The following ERC2 variants were observed in gnomAD, a reference collection of about 807,000 sequenced individuals.
The protein encoded by ERC2 is ERC protein 2.
In ERC2, 42 loss-of-function variants were observed where a neutral mutation model predicts 114.8. The observed-to-expected ratio is 0.37, with a 90% CI of 0.29 to 0.47. The LOEUF (loss-of-function observed/expected upper bound fraction) is 0.47. Ranked by LOEUF, ERC2 falls within the 20% of genes least tolerant of loss-of-function variation. The pLI is 0.99. For missense variants in ERC2, 939 were observed against 1,150.7 expected, an observed-to-expected ratio of 0.82 and a Z score of 2.66; for synonymous variants, 454 against 425.5, an observed-to-expected ratio of 1.07 and a Z score of -0.82.
intron 3 of ERC2, among the ~76,000 whole-genome samples, chr3:56,180,667 G>A (rs1214478529): frequency 1.3e-5 from 2 of 152,154 alleles, no homozygotes; most frequent in Non-Finnish European, 2.9e-5. Context: ...CAGAAATGAG[G>A]AGTTGTATAA....
chr3:55,592,667 A>C (rs1442411256), intron 17 of ERC2, among the ~76,000 whole-genome samples: 1 of 152,178 alleles, frequency 6.6e-6, no homozygotes, highest in African/African-American at 2.4e-5. Flanking sequence ...GAAATGACTA[A>C]ATCATCTTGG....
chr3:56,073,330 G>T (rs1432055858), intron 7 of ERC2, among the ~76,000 whole-genome samples: 2 of 152,116 alleles, frequency 1.3e-5, no homozygotes, highest in South Asian at 4.1e-4. Context: ...TATTTATTGG[G>T]GGGCAGAGGT....
chr3:56,172,032 C>CT (rs71939591), intron 4 of ERC2, among the ~76,000 whole-genome samples: 96 of 140,312 alleles, frequency 6.8e-4, no homozygotes, highest in East Asian at 1.5e-3. Context: ...CATTTTTCCT[C>CT]TTTTTTTTTT....
chr3:56,348,777 C>T (rs1296817493), intron 2 of ERC2, among the ~76,000 whole-genome samples: 1 of 151,532 alleles, frequency 6.6e-6, no homozygotes, highest in Non-Finnish European at 1.5e-5. Context: ...TTATTAGTAG[C>T]CACCTACAGA....
chr3:55,946,881 T>C (rs181713866), intron 13 of ERC2, among the ~76,000 whole-genome samples: 13 of 152,314 alleles, frequency 8.5e-5, no homozygotes, highest in African/African-American at 3.1e-4. Context: ...TCAAACAAAA[T>C]TGGGACTCAG....
At chr3:56,162,275 T>C (rs1465325303) in intron 4 of ERC2, among the ~76,000 whole-genome samples, 1 of 152,184 alleles carries the variant, frequency 6.6e-6, no homozygotes, top group Non-Finnish European at 1.5e-5. Flanking sequence ...TTGTTGAATT[T>C]GGCTTGATAG....
chr3:56,464,624 T>C (rs575150818), intron 1 of ERC2, among the ~76,000 whole-genome samples: 46 of 152,360 alleles, frequency 3.0e-4, no homozygotes, highest in African/African-American at 8.9e-4. Context: ...GAAGAAGAGG[T>C]TGTAGAGTCT....
At chr3:55,801,716 G>T (rs2071069455) in intron 14 of ERC2, among the ~76,000 whole-genome samples, 1 of 152,216 alleles carries the variant, frequency 6.6e-6, no homozygotes, top group East Asian at 1.9e-4. Context: ...ATTTGGCAGG[G>T]CCCAGGGCAA....
intron 6 of ERC2, among the ~76,000 whole-genome samples, chr3:56,083,538 T>C (rs2077349177): frequency 6.6e-6 from 1 of 152,170 alleles, no homozygotes; most frequent in South Asian, 2.1e-4. Context: ...TATACTTTGA[T>C]ATAATTATAA....
chr3:56,347,739 A>G (rs1016308701), intron 2 of ERC2, among the ~76,000 whole-genome samples: 6 of 152,140 alleles, frequency 3.9e-5, no homozygotes, highest in Non-Finnish European at 7.3e-5. Context: ...CCTTGGAGAT[A>G]TAAGTTCAGC....
intron 2 of ERC2, among the ~76,000 whole-genome samples, chr3:56,343,722 G>A (rs1009242768): frequency 6.6e-6 from 1 of 152,190 alleles, no homozygotes; most frequent in Non-Finnish European, 1.5e-5. Context: ...CTGGCTTCTA[G>A]TAAGTGCACC....
rs117617165 is a variant in ERC2 at position 56,302,666 on chromosome 3, A to C, written c.658-6231T>G. On this transcript the variant is annotated intron_variant, in intron 2 of 17. Coordinates refer to ENST00000288221, the MANE Select transcript of ERC2 (RefSeq NM_015576.3). ...CAACTATGAAAACACACTTCTTTTA[A>C]GACAGTCACCCAAACTCCACTGGCA... Among the ~76,000 whole-genome samples, 488 of 152,300 alleles carry C rather than the reference A, an allele frequency of 3.2e-3. 13 individuals carry two copies. In the East Asian group the frequency reaches 0.062, roughly 19 times the overall value.
intron 14 of ERC2, among the ~76,000 whole-genome samples, chr3:55,738,776 T>G (rs2065799036): frequency 6.6e-6 from 1 of 152,320 alleles, no homozygotes; most frequent in South Asian, 2.1e-4. Context: ...TTTAAAATTA[T>G]TTTACTTTAA....
intron 2 of ERC2, among the ~76,000 whole-genome samples, chr3:56,426,996 TAAAAAAAAAAAA>T (rs537295354): frequency 1.3e-5 from 1 of 79,558 alleles, no homozygotes; most frequent in Non-Finnish European, 2.5e-5. Flanking sequence ...ACCTCATCTC[TAAAAAAAAAAAA>T]AAAAAAAAAA....
Position 55,697,180 on chromosome 3 carries a change from T to C in ERC2, c.2847+2198A>G, listed in dbSNP as rs912869514. On this transcript the variant is annotated intron_variant, in intron 16 of 17. Transcript: ENST00000288221. ...ATCATGCTCTTCCCCAAGTGCCACA[T>C]AGTGGCTGCCATGGAATTAGGTTAG... Among the ~76,000 whole-genome samples the C allele has an allele frequency of 2.7e-4, 41 of 152,162 alleles. 1 individual carries two copies. The highest frequency in any genetic ancestry group is 6.5e-5 in the Admixed American group (1 of 15,274).
intron 17 of ERC2, among the ~76,000 whole-genome samples, chr3:55,565,231 A>G (rs1440446648): frequency 2.6e-5 from 4 of 152,268 alleles, no homozygotes; most frequent in African/African-American, 4.8e-5. Flanking sequence ...ATTCTAATTA[A>G]AATAGTTGTT....
intron 2 of ERC2, among the ~76,000 whole-genome samples, chr3:56,351,131 C>A (rs1434509092): frequency 6.6e-6 from 1 of 151,966 alleles, no homozygotes; most frequent in Admixed American, 6.6e-5. Context: ...GTTACAGCAG[C>A]CTAGGTAAAC....
At chr3:55,834,487 C>T (rs1191698384) in intron 14 of ERC2, among the ~76,000 whole-genome samples, 1 of 151,892 alleles carries the variant, frequency 6.6e-6, no homozygotes, top group Non-Finnish European at 1.5e-5. Flanking sequence ...CATGGAAACT[C>T]AAAAACCTGC....
chr3:55,554,412 G>A (rs535893639), intron 17 of ERC2, among the ~76,000 whole-genome samples: 5 of 152,288 alleles, frequency 3.3e-5, no homozygotes, highest in Admixed American at 6.5e-5. Context: ...GGCATTTTCC[G>A]TCCTTCCATT....
Sources: allele counts gnomAD v4.1 joint callset (sites outside exome capture counted in the v4.1 genomes callset), GRCh38; gene constraint gnomAD v4.1.1; transcripts MANE v1.5; gene names NCBI Gene and HGNC (gene_info 2026-07-23, HGNC 2026-07-21).